The following KMT2C variants were observed in gnomAD, a reference collection of about 807,000 sequenced individuals.
KMT2C encodes lysine methyltransferase 2C.
A neutral mutation model predicts 507.9 loss-of-function variants in KMT2C; 88 were observed. The observed-to-expected ratio is 0.17, with a 90% CI of 0.15 to 0.21. KMT2C has a LOEUF of 0.21. Ranked by LOEUF, KMT2C falls within the 10% of genes least tolerant of loss-of-function variation. KMT2C has a pLI of 1.00. For synonymous variants in KMT2C, 2,049 were observed against 2,080.8 expected (o/e 0.98, Z 0.42); for missense variants, 4,954 against 5,957.8 (o/e 0.83, Z 5.55).
chr7:152,364,278 A>G (rs1242604799), intron 1 of KMT2C, among the ~76,000 whole-genome samples: 1 of 152,206 alleles, frequency 6.6e-6, no homozygotes, highest in African/African-American at 2.4e-5. Context: ...TAAAAATAAC[A>G]TGGAACTCAA....
chr7:152,368,176 A>G lies in KMT2C; in HGVS notation c.162-9501T>C, dbSNP rs2097262769. The G allele has an allele frequency of 3.3e-6, 3 of 905,798 alleles. No individual in the cohort carries two copies. The Admixed American group carries it at 5.1e-5, about 15-fold the overall frequency. 56.1% of individuals were successfully genotyped at this position (905,798 alleles called of 1,614,324 possible). On this transcript the variant is annotated intron_variant, in intron 1 of 58. Coordinates refer to ENST00000262189, the MANE Select transcript of KMT2C (RefSeq NM_170606.3). ...TCCTTGGGGTGCTGCTGAAGTTGAA[A>G]ATGGTGAACATTGTGATTTTACAAT...
At chr7:152,392,665 C>G (rs2097508223) in intron 1 of KMT2C, among the ~76,000 whole-genome samples, 1 of 152,152 alleles carries the variant, frequency 6.6e-6, no homozygotes. Context: ...ATGCCCTCCC[C>G]AGCACAACAA....
At position 152,195,915 on chromosome 7, in the gene KMT2C, T is replaced by C. The variant is rs1181024979; in HGVS notation, c.4370A>G (p.Asp1457Gly). Reference sequence around the variant, plus strand: ...ACAGTATTCATATATACCTGAATGATCAACTGATTTTGCTAGATCATCTGA... The same window carrying C: ...ACAGTATTCATATATACCTGAATGACCAACTGATTTTGCTAGATCATCTGA... ...IISDDLAKSV[D>G]HSDIGPVTDD... Residue 1457 changes from aspartate (D) to glycine (G), a missense_variant, in exon 28 of 59, where the codon GAT (aspartate) becomes GGT (glycine). Asp to Gly is a moderately conservative substitution (Grantham distance 94). Transcript: ENST00000262189. 1.1e-5 allele frequency: 18 copies of C among 1,577,210 alleles called. No individual in the cohort carries two copies. Among genetic ancestry groups the C allele is most frequent in the Non-Finnish European group, 1.6e-5 (18 of 1,148,898 alleles).
At chr7:152,211,548 A>G (rs914088999) in intron 23 of KMT2C, among the ~76,000 whole-genome samples, 4 of 152,250 alleles carry the variant, frequency 2.6e-5, no homozygotes, top group Non-Finnish European at 5.9e-5. Flanking sequence ...CTTTCACCTG[A>G]AACAATGCAC....
chr7:152,306,841 C>T (rs918281930), intron 6 of KMT2C, among the ~76,000 whole-genome samples: 1 of 152,204 alleles, frequency 6.6e-6, no homozygotes, highest in Non-Finnish European at 1.5e-5. Flanking sequence ...ACTGGTCCAT[C>T]TTGTGCCTAT....
In KMT2C at chr7:152,207,275, G is replaced by C. The variant is rs749760259; in HGVS notation, c.3841+25C>G. The C allele has an allele frequency of 2.8e-6, 4 of 1,449,080 alleles. No individual in the cohort carries two copies. In the East Asian group the frequency reaches 9.2e-5, roughly 33 times the overall value. 89.8% of individuals were successfully genotyped at this position (1,449,080 alleles called of 1,614,324 possible). On this transcript the variant is annotated intron_variant, in intron 24 of 58. Transcript: ENST00000262189. ...TAATTAACCAAGTGTTGATGATATT[G>C]AAATGTCTACCTCAGGCACTATACC...
chr7:152,147,533 T>A lies in KMT2C; in HGVS notation c.13894+500A>T, dbSNP rs563330621. ...ACCCTAAAATACTAAAAATACAAAA[T>A]TAAAAACTACTAAAAATATAAAAAT... On this transcript the variant is annotated intron_variant, in intron 52 of 58. Transcript: ENST00000262189. 1.3e-3 allele frequency among the ~76,000 whole-genome samples: 200 copies of A among 150,594 alleles called. 1 individual carries two copies. The highest frequency in any genetic ancestry group is 4.8e-3 in the African/African-American group (196 of 41,058).
chr7:152,375,617 C>T lies in KMT2C; in HGVS notation c.162-16942G>A, dbSNP rs191913689. ...GCCAGGCTGGTCTCAAACTCCTGAC[C>T]TCAGGTGATCCACCCGCCTCAGCCT... On this transcript the variant is annotated intron_variant, in intron 1 of 58. Coordinates refer to ENST00000262189, the MANE Select transcript of KMT2C (RefSeq NM_170606.3). Among the ~76,000 whole-genome samples, 784 of 152,064 alleles carry T rather than the reference C, an allele frequency of 5.2e-3. 3 individuals carry two copies. The highest frequency in any genetic ancestry group is 9.0e-3 in the Non-Finnish European group (611 of 67,984).
intron 1 of KMT2C, among the ~76,000 whole-genome samples, chr7:152,414,567 A>C (rs1235384697): frequency 6.6e-6 from 1 of 152,138 alleles, no homozygotes; most frequent in East Asian, 1.9e-4. Context: ...CAATGTGAAA[A>C]CTACTCAATA....
chr7:152,216,000 C>T (rs1180162107), intron 23 of KMT2C, among the ~76,000 whole-genome samples: 1 of 152,176 alleles, frequency 6.6e-6, no homozygotes, highest in Non-Finnish European at 1.5e-5. Flanking sequence ...GATGGATAGT[C>T]TACCTCACTC....
chr7:152,247,338 C>T (rs11766443), intron 14 of KMT2C, among the ~76,000 whole-genome samples: 1 of 151,972 alleles, frequency 6.6e-6, no homozygotes, highest in African/African-American at 2.4e-5. Flanking sequence ...TGAAAATCAA[C>T]AGTACAATTC....
intron 6 of KMT2C, among the ~76,000 whole-genome samples, chr7:152,280,537 CAAGA>C (rs567182578): frequency 7.9e-5 from 12 of 151,780 alleles, no homozygotes; most frequent in South Asian, 2.1e-4. Context: ...GGCGGCAGAT[CAAGA>C]AAGAAAGAAA....
At chr7:152,425,362 G>C (rs554314722) in intron 1 of KMT2C, among the ~76,000 whole-genome samples, 31 of 152,266 alleles carry the variant, frequency 2.0e-4, no homozygotes, top group African/African-American at 6.5e-4. Flanking sequence ...GATCACCTGA[G>C]GTCAGAAGTT....
Position 152,245,529 on chromosome 7 carries a change from T to C in KMT2C, c.2532+2373A>G, listed in dbSNP as rs181552525. 2.0e-5 allele frequency among the ~76,000 whole-genome samples: 3 copies of C among 152,306 alleles called. No individual in the cohort carries two copies. In the East Asian group the frequency reaches 5.8e-4, roughly 29 times the overall value. ...GTGTAACTACTTGAAAATTTAAAAT[T>C]ACACATATGGTCTGCATTATATTTA... On this transcript the variant is annotated intron_variant, in intron 14 of 58. Coordinates refer to ENST00000262189, the MANE Select transcript of KMT2C (RefSeq NM_170606.3).
At chr7:152,193,355 T>A (rs144568896) in intron 31 of KMT2C, among the ~76,000 whole-genome samples, 1 of 152,230 alleles carries the variant, frequency 6.6e-6, no homozygotes, top group East Asian at 1.9e-4. Context: ...TAGTTGTAAG[T>A]AGGCAGAAGA....
chr7:152,374,334 T>A (rs1005775617), intron 1 of KMT2C, among the ~76,000 whole-genome samples: 1 of 150,940 alleles, frequency 6.6e-6, no homozygotes, highest in Non-Finnish European at 1.5e-5. Context: ...GTAATAATAA[T>A]AATAATAATT....
At chr7:152,400,420 TC>T (rs1367736961) in intron 1 of KMT2C, among the ~76,000 whole-genome samples, 1 of 152,200 alleles carries the variant, frequency 6.6e-6, no homozygotes, top group African/African-American at 2.4e-5. Context: ...CATCTGGACA[TC>T]TTTGAGAAAT....
chr7:152,153,020 A>G (rs1018030495), intron 48 of KMT2C, 66 bp from the exon 49 acceptor site: 70 of 1,568,078 alleles, frequency 4.5e-5, no homozygotes, highest in Non-Finnish European at 5.9e-5. Flanking sequence ...GAAGAAAAAT[A>G]CACACTTAGG....
chr7:152,301,571 C>T (rs1163280205), intron 6 of KMT2C, among the ~76,000 whole-genome samples: 4 of 151,998 alleles, frequency 2.6e-5, no homozygotes, highest in African/African-American at 9.7e-5. Flanking sequence ...TTTGTGATCC[C>T]AGCTACTCTA....
Sources: gnomAD v4.1 joint callset for allele counts (sites outside exome capture counted in the v4.1 genomes callset) on GRCh38, gnomAD v4.1.1 for gene constraint, MANE v1.5 for transcripts, NCBI Gene and HGNC (gene_info 2026-07-23, HGNC 2026-07-21) for gene names.